PDE10A: variants seen among roughly 807,000 people sequenced by gnomAD.
PDE10A encodes the protein cAMP and cAMP-inhibited cGMP 3',5'-cyclic phosphodiesterase 10A.
A neutral mutation model predicts 97.7 loss-of-function variants in PDE10A; 39 were observed. That is an observed-to-expected ratio of 0.40 (90% CI 0.31 to 0.52). The LOEUF is 0.52. Among genes scored for constraint, PDE10A ranks in the 20% least tolerant of loss-of-function variants. The pLI, the probability that PDE10A is intolerant of heterozygous loss-of-function variation, is 0.56. For synonymous variants in PDE10A, 371 were observed against 376.8 expected (o/e 0.98, Z 0.18); for missense variants, 731 against 1,047.8 (o/e 0.70, Z 4.17).
chr6:165,827,061 G>A (rs908265935), intron 1 of PDE10A, among the ~76,000 whole-genome samples: 3 of 152,162 alleles, frequency 2.0e-5, no homozygotes, highest in African/African-American at 2.4e-5. Flanking sequence ...TGACCAGGAC[G>A]TGGCCTGCCG....
At chr6:165,505,435 T>C (rs897089280) in intron 2 of PDE10A, among the ~76,000 whole-genome samples, 55 of 152,322 alleles carry the variant, frequency 3.6e-4, no homozygotes, top group African/African-American at 1.2e-3. Context: ...CTGTATACCA[T>C]TTTGTGATTA....
At chr6:165,839,899 C>CAGCCT (rs1161952696) in intron 1 of PDE10A, among the ~76,000 whole-genome samples, 4 of 61,930 alleles carry the variant, frequency 6.5e-5, no homozygotes, top group African/African-American at 1.2e-4. Flanking sequence ...ATCCCCATTC[C>CAGCCT]CATCTCCAAC....
intron 1 of PDE10A, among the ~76,000 whole-genome samples, chr6:165,985,527 A>C (rs933807189): frequency 6.6e-6 from 1 of 152,174 alleles, no homozygotes; most frequent in Non-Finnish European, 1.5e-5. Flanking sequence ...CTCCAACTTC[A>C]GGAGGAGGCA....
intron 1 of PDE10A, among the ~76,000 whole-genome samples, chr6:165,578,974 A>T (rs1785467199): frequency 6.6e-6 from 1 of 152,234 alleles, no homozygotes; most frequent in Non-Finnish European, 1.5e-5. Flanking sequence ...AAACAAATGG[A>T]CACCCACATT....
At chr6:165,921,313 C>G (rs1312291505) in intron 1 of PDE10A, among the ~76,000 whole-genome samples, 1 of 152,160 alleles carries the variant, frequency 6.6e-6, no homozygotes, top group Non-Finnish European at 1.5e-5. Flanking sequence ...ACAACCTGCT[C>G]TTGTTGGAGG....
rs1318718677 is a variant in PDE10A, at chr6:165,392,733, A to T, written c.2367T>A (p.Pro789=). ...MSVKKNYRRV[P]YHNWKHAVTV... ...TGACCGCATGCTTCCAGTTGTGATA[A>T]GGAACCCGCCGATAGTTCTTCTTCA... The change falls in exon 16 of 22, where the codon CCT becomes CCA. Residue 789 remains proline, a synonymous_variant. Transcript: ENST00000539869. The T allele has an allele frequency of 6.2e-7, 1 of 1,613,792 alleles. No individual in the cohort carries two copies. Among genetic ancestry groups the T allele is most frequent in the African/African-American group, 1.3e-5 (1 of 74,926 alleles).
chr6:165,850,544 TATG>T (rs1780547014), intron 1 of PDE10A, among the ~76,000 whole-genome samples: 1 of 152,306 alleles, frequency 6.6e-6, no homozygotes, highest in South Asian at 2.1e-4. Flanking sequence ...TTCCTACGAA[TATG>T]ATATGTTCTC....
intron 1 of PDE10A, among the ~76,000 whole-genome samples, chr6:165,658,151 T>C (rs1372012169): frequency 6.6e-6 from 1 of 152,170 alleles, no homozygotes; most frequent in African/African-American, 2.4e-5. Context: ...CTAGTGTAGT[T>C]TGTACGTGTT....
intron 1 of PDE10A, among the ~76,000 whole-genome samples, chr6:165,675,359 T>C (rs1001869334): frequency 2.0e-5 from 3 of 152,236 alleles, no homozygotes; most frequent in African/African-American, 7.2e-5. Flanking sequence ...TGTTTATACA[T>C]GCATGAGTCT....
intron 5 of PDE10A, among the ~76,000 whole-genome samples, chr6:165,437,833 G>A (rs1484621119): frequency 1.3e-5 from 2 of 152,116 alleles, no homozygotes; most frequent in African/African-American, 2.4e-5. Context: ...CTTCTGTGTT[G>A]TTTTTGTTTT....
Position 165,432,967 on chromosome 6 carries a change from GC to G in PDE10A, c.1491+6del. 6.2e-7 allele frequency: 1 copy of G among 1,611,926 alleles called. No homozygotes were observed. Among genetic ancestry groups the G allele is most frequent in the Non-Finnish European group, 8.5e-7 (1 of 1,178,626 alleles). Reference sequence around the variant, plus strand: ...AAATTCTAACATGCAGCATTTAAAGGCCTTACCTCCTGGTGACTAAGACAGA... The same window carrying G: ...AAATTCTAACATGCAGCATTTAAAGGCTTACCTCCTGGTGACTAAGACAGA... On this transcript the variant is annotated splice_donor_region_variant and intron_variant, in intron 7 of 21. Coordinates refer to ENST00000539869, the MANE Select transcript of PDE10A (RefSeq NM_001385079.1).
At chr6:165,442,911 C>A (rs978118843) in intron 5 of PDE10A, among the ~76,000 whole-genome samples, 1 of 151,910 alleles carries the variant, frequency 6.6e-6, no homozygotes, top group African/African-American at 2.4e-5. Context: ...GGGTTTGAGA[C>A]CAGCCTGGCC....
intron 1 of PDE10A, among the ~76,000 whole-genome samples, chr6:165,837,831 G>A (rs987948514): frequency 1.3e-5 from 2 of 151,782 alleles, no homozygotes; most frequent in South Asian, 2.1e-4. Flanking sequence ...GACTACAGGC[G>A]CCCGCCACCA....
At chr6:165,559,822 T>C (rs544226030) in intron 1 of PDE10A, among the ~76,000 whole-genome samples, 2 of 152,156 alleles carry the variant, frequency 1.3e-5, no homozygotes, top group African/African-American at 4.8e-5. Context: ...CAAGATGTGA[T>C]GGTTTTATAA....
intron 1 of PDE10A, among the ~76,000 whole-genome samples, chr6:165,592,302 A>G (rs914678088): frequency 2.0e-5 from 3 of 152,234 alleles, no homozygotes; most frequent in Admixed American, 6.5e-5. Context: ...AAATTAACTC[A>G]AGATGGATTA....
chr6:165,481,160 C>T (rs1216484688), intron 3 of PDE10A, among the ~76,000 whole-genome samples: 2 of 152,060 alleles, frequency 1.3e-5, no homozygotes, highest in Non-Finnish European at 2.9e-5. Context: ...TTTCAGAGTC[C>T]CCATCTTATC....
At chr6:165,821,771 G>A (rs1008617799) in intron 1 of PDE10A, among the ~76,000 whole-genome samples, 1 of 152,126 alleles carries the variant, frequency 6.6e-6, no homozygotes, top group Non-Finnish European at 1.5e-5. Flanking sequence ...TCAAACTCCT[G>A]GGCTCAAGTG....
At position 165,662,047 on chromosome 6, in the gene PDE10A, G is replaced by C. The variant is rs1790296416; in HGVS notation, c.765C>G (p.Leu255=). 1.5e-5 allele frequency: 22 copies of C among 1,473,342 alleles called. No homozygotes were observed. The highest frequency in any genetic ancestry group is 2.0e-5 in the Non-Finnish European group (22 of 1,105,496). The allele number at this position is 1,473,342 out of a possible 1,614,324, so 91.3% of individuals were successfully genotyped here. ...CGAAGAGCAGCGCGGCCGCGGCGGC[G>C]AGGGCGAAGCTGGCGCCCTGGGGAC... ...PRRPQGASFA[L]AAAAALLFGS... The change falls in exon 1 of 22, where the codon CTC becomes CTG. Residue 255 remains leucine (L), a synonymous_variant. Transcript: ENST00000539869.
intron 1 of PDE10A, among the ~76,000 whole-genome samples, chr6:165,763,447 C>A (rs545571578): frequency 5.9e-5 from 9 of 152,124 alleles, no homozygotes; most frequent in African/African-American, 1.2e-4. Context: ...CTCAGCCCCC[C>A]CAGTAGCCGG....
Sources: allele counts gnomAD v4.1 joint callset (sites outside exome capture counted in the v4.1 genomes callset), GRCh38; gene constraint gnomAD v4.1.1; transcripts MANE v1.5; gene names NCBI Gene and HGNC (gene_info 2026-07-23, HGNC 2026-07-21).